The following ARID1B variants were observed in gnomAD, a reference collection of about 807,000 sequenced individuals.
ARID1B encodes the protein AT-rich interaction domain 1B.
In ARID1B, 30 loss-of-function variants were observed where a neutral mutation model predicts 212.3. That is an observed-to-expected ratio of 0.14 (90% CI 0.11 to 0.19). The LOEUF is 0.19. Among genes scored for constraint, ARID1B ranks in the 10% least tolerant of loss-of-function variants. The pLI, the probability that ARID1B is intolerant of heterozygous loss-of-function variation, is 1.00. For missense variants in ARID1B, 2,891 were observed against 3,204.0 expected (o/e 0.90, Z 2.36); for synonymous variants, 1,402 against 1,301.7 (o/e 1.08, Z -1.66).
At chr6:156,926,752 G>A (rs1228916335) in intron 3 of ARID1B, among the ~76,000 whole-genome samples, 3 of 151,964 alleles carry the variant, frequency 2.0e-5, no homozygotes, top group Non-Finnish European at 2.9e-5. Context: ...GTGAGGTCTC[G>A]GCTCACTGCA....
At chr6:157,150,934 G>C (rs1038269640) in intron 8 of ARID1B, 1 of 171,782 alleles carries the variant, frequency 5.8e-6, no homozygotes, top group Non-Finnish European at 1.3e-5. Context: ...GTCTGGCCGC[G>C]AAAGGAACAC....
intron 4 of ARID1B, among the ~76,000 whole-genome samples, chr6:156,994,286 C>T (rs1382523066): frequency 6.6e-6 from 1 of 152,144 alleles, no homozygotes; most frequent in Non-Finnish European, 1.5e-5. Context: ...CAATAACAAG[C>T]CATTTTCAGT....
intron 6 of ARID1B, among the ~76,000 whole-genome samples, chr6:157,119,304 G>A (rs1421401500): frequency 6.6e-6 from 1 of 152,094 alleles, no homozygotes; most frequent in African/African-American, 2.4e-5. Context: ...CCTCAGACCG[G>A]TGAGAGCATG....
chr6:157,111,714 T>C (rs1269507656), intron 6 of ARID1B, among the ~76,000 whole-genome samples: 1 of 152,242 alleles, frequency 6.6e-6, no homozygotes, highest in Non-Finnish European at 1.5e-5. Context: ...TCTCTACATA[T>C]CATTTGTGTT....
intron 7 of ARID1B, among the ~76,000 whole-genome samples, chr6:157,139,108 A>C (rs1210477846): frequency 6.6e-6 from 1 of 152,244 alleles, no homozygotes; most frequent in Non-Finnish European, 1.5e-5. Flanking sequence ...AAATCAACTT[A>C]AAATGAAAAA....
intron 4 of ARID1B, among the ~76,000 whole-genome samples, chr6:156,983,292 G>A (rs147026894): frequency 0.018 from 2,747 of 152,158 alleles, 53 homozygotes; most frequent in East Asian, 0.085. Flanking sequence ...CTACTCGAGA[G>A]GCTGAGACAG....
At chr6:157,194,546 G>A (rs1239645181) in intron 15 of ARID1B, 2 of 152,190 alleles carry the variant, frequency 1.3e-5, no homozygotes, top group Non-Finnish European at 2.9e-5. Context: ...CTAGTTTCTG[G>A]ACTGAACACA....
At chr6:156,853,991 C>T (rs1562436454) in intron 2 of ARID1B, among the ~76,000 whole-genome samples, 1 of 152,176 alleles carries the variant, frequency 6.6e-6, no homozygotes, top group Non-Finnish European at 1.5e-5. Context: ...TTTGGCTTCT[C>T]ACAGTGCTGG....
intron 4 of ARID1B, among the ~76,000 whole-genome samples, chr6:157,076,643 A>T (rs1320489748): frequency 6.6e-6 from 1 of 151,808 alleles, no homozygotes; most frequent in Non-Finnish European, 1.5e-5. Context: ...ACCATGAGAG[A>T]TGGAAGTGGT....
chr6:156,823,626 A>C (rs549379521), intron 1 of ARID1B, among the ~76,000 whole-genome samples: 1 of 150,954 alleles, frequency 6.6e-6, no homozygotes, highest in Non-Finnish European at 1.5e-5. Flanking sequence ...TTTAATCCAC[A>C]TGTGTAGAAA....
At chr6:156,858,412 G>C (rs1029998607) in intron 2 of ARID1B, among the ~76,000 whole-genome samples, 1 of 152,212 alleles carries the variant, frequency 6.6e-6, no homozygotes, top group African/African-American at 2.4e-5. Context: ...ACAAATGTTT[G>C]AGGTGATGGA....
In ARID1B at chr6:157,200,657, A is replaced by C; in HGVS notation, c.4480-48A>C. 6.5e-7 allele frequency: 1 copy of C among 1,535,398 alleles called. No homozygotes were observed. On this transcript the variant is annotated intron_variant, in intron 17 of 19. Coordinates refer to ENST00000636930, the MANE Select transcript of ARID1B (RefSeq NM_001374828.1). The surrounding 1 kb of genome is among the most constrained non-coding windows in gnomAD (Gnocchi z 4.3). Reference sequence around the variant, plus strand: ...TTTTGCATAATTTCAGTGTGTGATTATACCTGTAAGAGCACATCAGGATGA... The same window carrying C: ...TTTTGCATAATTTCAGTGTGTGATTCTACCTGTAAGAGCACATCAGGATGA...
chr6:157,080,779 A>C (rs548744095), intron 4 of ARID1B, among the ~76,000 whole-genome samples: 1 of 152,228 alleles, frequency 6.6e-6, no homozygotes, highest in Admixed American at 6.5e-5. Flanking sequence ...AGACAGTGGA[A>C]GGATGATGGT....
chr6:157,124,782 G>GA (rs111256301), intron 6 of ARID1B, among the ~76,000 whole-genome samples: 122 of 143,814 alleles, frequency 8.5e-4, no homozygotes, highest in Middle Eastern at 7.1e-3. Context: ...GTGGATTGTT[G>GA]AAAAAAAAAA....
In ARID1B at chr6:156,777,754, G is replaced by T. The variant is rs955120283; in HGVS notation, c.74G>T (p.Arg25Leu). 1.9e-6 allele frequency: 1 copy of T among 514,410 alleles called. No individual in the cohort carries two copies. Among genetic ancestry groups the T allele is most frequent in the African/African-American group, 2.2e-5 (1 of 46,450 alleles). 31.9% of individuals were successfully genotyped at this position (514,410 alleles called of 1,614,324 possible). A position where few individuals can be genotyped will look rare whatever the true frequency, so the allele number is the denominator to read the frequency against. ...CGGGCGCGGGCAGGCAGCGGCGAAC[G>T]GCGGGCGCCCCCCGGGCCGCGGCCG... ...RARARAGSGE[R>L]RAPPGPRPAP... is the part of the protein sequence containing the mutation. Residue 25 changes from arginine (R) to leucine (L), a missense_variant, in exon 1 of 20, where the codon CGG becomes CTG. This residue lies in a region of ARID1B where 1,643 missense variants were observed against 1,544.0 expected (regional missense o/e 1.06). Coordinates refer to ENST00000636930, the MANE Select transcript of ARID1B (RefSeq NM_001374828.1).
chr6:156,825,971 A>C (rs540646933), intron 1 of ARID1B, among the ~76,000 whole-genome samples: 1 of 152,354 alleles, frequency 6.6e-6, no homozygotes, highest in African/African-American at 2.4e-5. Flanking sequence ...TTTTACTACA[A>C]ATATATCAAC....
At chr6:157,194,499 T>C (rs1019532347) in intron 15 of ARID1B, 3 of 152,242 alleles carry the variant, frequency 2.0e-5, no homozygotes, top group African/African-American at 7.2e-5. Context: ...TGTATAACGA[T>C]GAAAATTTAT....
At chr6:156,974,439 A>G (rs144178726) in intron 4 of ARID1B, among the ~76,000 whole-genome samples, 15 of 152,338 alleles carry the variant, frequency 9.8e-5, no homozygotes, top group South Asian at 6.2e-4. Context: ...TGAAAAGCCA[A>G]TTGTGTAGAG....
At chr6:156,965,809 G>C (rs1431286424) in intron 4 of ARID1B, among the ~76,000 whole-genome samples, 2 of 152,072 alleles carry the variant, frequency 1.3e-5, no homozygotes, top group East Asian at 1.9e-4. Context: ...ATATACACTT[G>C]TACTTTATTG....
Sources: gnomAD v4.1 joint callset for allele counts (sites outside exome capture counted in the v4.1 genomes callset) on GRCh38, gnomAD v4.1.1 for gene constraint, gnomAD v4.1.1 regional missense constraint, Gnocchi (gnomAD v3.1) non-coding constraint, MANE v1.5 for transcripts, NCBI Gene and HGNC (gene_info 2026-07-23, HGNC 2026-07-21) for gene names.